ADK: variants seen among roughly 807,000 people sequenced by gnomAD.
ADK encodes N6,N6-dimethyladenosine kinase.
Under a neutral mutation model 44.7 loss-of-function variants are expected in ADK, and 24 were observed. The observed-to-expected ratio is 0.54, with a 90% confidence interval of 0.39 to 0.76. The LOEUF is 0.76. ADK is among the 30% of genes least tolerant of loss of function. The probability of loss-of-function intolerance (pLI) is 0.00; values close to 1 mark genes in which losing one functional copy is unlikely to be tolerated. For missense variants in ADK, 321 were observed against 425.1 expected (o/e 0.76, Z 2.15); for synonymous variants, 128 against 142.6 (o/e 0.90, Z 0.73).
chr10:74,186,144 T>C (rs890784175), intron 1 of ADK, among the ~76,000 whole-genome samples: 1 of 151,912 alleles, frequency 6.6e-6, no homozygotes, highest in Non-Finnish European at 1.5e-5. Context: ...CCACTGTGCC[T>C]GGCTCTCTCA....
intron 3 of ADK, among the ~76,000 whole-genome samples, chr10:74,299,229 C>T (rs957041081): frequency 6.6e-6 from 1 of 151,646 alleles, no homozygotes; most frequent in East Asian, 1.9e-4. Flanking sequence ...CACAGTGGCT[C>T]AAGCCTGTAA....
intron 4 of ADK, among the ~76,000 whole-genome samples, chr10:74,336,270 A>G (rs1841406705): frequency 6.6e-6 from 1 of 152,164 alleles, no homozygotes; most frequent in Non-Finnish European, 1.5e-5. Context: ...CAATTGATCC[A>G]TTACTCTTCC....
chr10:74,163,187 C>T (rs1197591546), intron 1 of ADK, among the ~76,000 whole-genome samples: 2 of 152,044 alleles, frequency 1.3e-5, no homozygotes, highest in Admixed American at 1.3e-4. Flanking sequence ...AGGATGTTCT[C>T]GATCTCCTGA....
intron 10 of ADK, among the ~76,000 whole-genome samples, chr10:74,672,990 A>T (rs1855243092): frequency 6.6e-6 from 1 of 152,178 alleles, no homozygotes; most frequent in Non-Finnish European, 1.5e-5. Flanking sequence ...TTCTCTAAAC[A>T]TTTATGTAAA....
intron 1 of ADK, among the ~76,000 whole-genome samples, chr10:74,155,960 G>A (rs957879857): frequency 4.6e-5 from 7 of 152,012 alleles, no homozygotes; most frequent in African/African-American, 1.5e-4. Context: ...ACTTATATTC[G>A]CAAATTTAAT....
chr10:74,685,768 G>A (rs962660531), intron 10 of ADK, among the ~76,000 whole-genome samples: 5 of 152,124 alleles, frequency 3.3e-5, no homozygotes, highest in African/African-American at 9.7e-5. Flanking sequence ...GAGAGAGCTC[G>A]TTGGATGGGG....
At chr10:74,655,438 C>T in intron 9 of ADK, 1 of 429,914 alleles carries the variant, frequency 2.3e-6, no homozygotes, top group Admixed American at 3.2e-5. Flanking sequence ...AGGACGATTT[C>T]ATTGATGACC....
chr10:74,409,684 A>G (rs527843988), intron 6 of ADK, among the ~76,000 whole-genome samples: 14 of 152,298 alleles, frequency 9.2e-5, no homozygotes, highest in African/African-American at 3.4e-4. Context: ...TTGTGAGGGT[A>G]GAGTTTTCAA....
In ADK at chr10:74,606,221, G is replaced by GT. The variant is rs776350303; in HGVS notation, c.877+5734dup. 8.3e-4 allele frequency among the ~76,000 whole-genome samples: 126 copies of GT among 152,196 alleles called. 1 individual carries two copies. Among genetic ancestry groups the GT allele is most frequent in the Non-Finnish European group, 1.6e-3 (108 of 68,008 alleles). ...CCTGGATTCATTGATTTTTGGAAGG[G>GT]TTTTTTGTGTCTAACTCCTTCACCT... On this transcript the variant is annotated intron_variant, in intron 9 of 10. Coordinates refer to ENST00000539909, the MANE Select transcript of ADK (RefSeq NM_006721.4).
intron 3 of ADK, among the ~76,000 whole-genome samples, chr10:74,245,888 T>C (rs1237811230): frequency 6.6e-6 from 1 of 152,154 alleles, no homozygotes; most frequent in Admixed American, 6.5e-5. Context: ...GCACCTGGTC[T>C]CTGTTCTACA....
intron 2 of ADK, among the ~76,000 whole-genome samples, chr10:74,221,380 C>G (rs1844302113): frequency 1.3e-5 from 2 of 150,766 alleles, no homozygotes; most frequent in South Asian, 4.2e-4. Flanking sequence ...AGGATACAAA[C>G]AAATGGAAGA....
At chr10:74,389,756 C>A (rs1191728226) in intron 4 of ADK, among the ~76,000 whole-genome samples, 1 of 152,066 alleles carries the variant, frequency 6.6e-6, no homozygotes, top group African/African-American at 2.4e-5. Context: ...AAAAGGATAG[C>A]AAAGTTGCTG....
At chr10:74,497,393 G>A (rs530115203) in intron 6 of ADK, among the ~76,000 whole-genome samples, 1 of 152,270 alleles carries the variant, frequency 6.6e-6, no homozygotes, top group East Asian at 1.9e-4. Flanking sequence ...GAGAGAAACA[G>A]GGCTTAGGTG....
At chr10:74,271,469 A>G (rs1846425844) in intron 3 of ADK, among the ~76,000 whole-genome samples, 1 of 150,554 alleles carries the variant, frequency 6.6e-6, no homozygotes. Context: ...TGTGCGGGTT[A>G]GTTACACATG....
chr10:74,440,230 A>G (rs1268985489), intron 6 of ADK, among the ~76,000 whole-genome samples: 2 of 152,134 alleles, frequency 1.3e-5, no homozygotes, highest in East Asian at 3.8e-4. Context: ...ACATAGTAAT[A>G]CATTACATAT....
At chr10:74,278,823 C>T (rs1846804789) in intron 3 of ADK, among the ~76,000 whole-genome samples, 1 of 152,206 alleles carries the variant, frequency 6.6e-6, no homozygotes, top group African/African-American at 2.4e-5. Flanking sequence ...CAGATGTTAG[C>T]CATCACACTC....
In ADK at chr10:74,274,794, T is replaced by C. The variant is rs112243773; in HGVS notation, c.195-39873T>C. On this transcript the variant is annotated intron_variant, in intron 3 of 10. Coordinates refer to ENST00000539909, the MANE Select transcript of ADK (RefSeq NM_006721.4). ...ATAATTTTTTGTAGAGACAGGGTCT[T>C]ACTTTGTTGCCCAGGCTGGTCTTGA... Among the ~76,000 whole-genome samples the C allele has an allele frequency of 5.2e-3, 768 of 146,420 alleles. 12 individuals carry two copies. The highest frequency in any genetic ancestry group is 0.017 in the African/African-American group (700 of 40,008).
At chr10:74,476,744 T>A (rs1052963147) in intron 6 of ADK, among the ~76,000 whole-genome samples, 5 of 152,216 alleles carry the variant, frequency 3.3e-5, no homozygotes, top group Admixed American at 1.3e-4. Flanking sequence ...TTGATATTTT[T>A]AAATTAGTAT....
At chr10:74,708,011 C>G (rs1405546657) in intron 10 of ADK, among the ~76,000 whole-genome samples, 1 of 151,834 alleles carries the variant, frequency 6.6e-6, no homozygotes, top group Non-Finnish European at 1.5e-5. Flanking sequence ...ATTAGCTAGG[C>G]ATGGTGGTGC....
Sources: gnomAD v4.1 joint callset for allele counts (sites outside exome capture counted in the v4.1 genomes callset) on GRCh38, gnomAD v4.1.1 for gene constraint, MANE v1.5 for transcripts, NCBI Gene and HGNC (gene_info 2026-07-23, HGNC 2026-07-21) for gene names.